AKAP13: variants seen among roughly 807,000 people sequenced by gnomAD.
AKAP13 encodes A-kinase anchor protein 13.
Under a neutral mutation model 264.5 loss-of-function variants are expected in AKAP13, and 80 were observed. That is an observed-to-expected ratio of 0.30 (90% CI 0.25 to 0.36). The LOEUF is 0.36. Ranked by LOEUF, AKAP13 falls within the 10% of genes least tolerant of loss-of-function variation. The pLI is 1.00. For synonymous variants in AKAP13, 1,380 were observed against 1,250.2 expected (o/e 1.10, Z -2.19); for missense variants, 3,712 against 3,435.2 (o/e 1.08, Z -2.01).
chr15:85,737,253 A>G (rs906271571), intron 33 of AKAP13, among the ~76,000 whole-genome samples: 1 of 152,106 alleles, frequency 6.6e-6, no homozygotes, highest in Non-Finnish European at 1.5e-5. Flanking sequence ...TTTAGACTTA[A>G]TATGTGTTTC....
At chr15:85,551,014 A>G (rs1254812405) in intron 5 of AKAP13, among the ~76,000 whole-genome samples, 1 of 152,178 alleles carries the variant, frequency 6.6e-6, no homozygotes, top group Non-Finnish European at 1.5e-5. Context: ...CAGCTTGTCC[A>G]AGGCCGTATA....
intron 4 of AKAP13, 126 bp downstream of exon 4, chr15:85,534,006 T>C: frequency 9.2e-7 from 1 of 1,084,130 alleles, no homozygotes; most frequent in Non-Finnish European, 1.3e-6. Flanking sequence ...AATCTTAGAA[T>C]TACTGTAGGA....
At chr15:85,668,062 T>C (rs1209189598) in intron 13 of AKAP13, among the ~76,000 whole-genome samples, 1 of 152,206 alleles carries the variant, frequency 6.6e-6, no homozygotes, top group East Asian at 1.9e-4. Context: ...AGTAGGCATT[T>C]GAGCTGCTTG....
intron 5 of AKAP13, among the ~76,000 whole-genome samples, chr15:85,573,599 G>A (rs995790589): frequency 1.4e-5 from 2 of 146,674 alleles, no homozygotes; most frequent in Non-Finnish European, 2.9e-5. Context: ...GATATTCAAA[G>A]GTGTTAATGT....
intron 12 of AKAP13, chr15:85,662,562 C>G (rs956014066): frequency 8.3e-7 from 1 of 1,204,314 alleles, no homozygotes; most frequent in Non-Finnish European, 1.2e-6. Context: ...TATGGGCAGC[C>G]TGCTTTGTCT....
At chr15:85,497,578 A>G (rs1320975083) in intron 2 of AKAP13, among the ~76,000 whole-genome samples, 1 of 152,196 alleles carries the variant, frequency 6.6e-6, no homozygotes, top group African/African-American at 2.4e-5. Context: ...TTCACATTGA[A>G]GGATACCTGG....
chr15:85,575,706 T>A (rs1400257806), intron 6 of AKAP13, among the ~76,000 whole-genome samples: 1 of 151,330 alleles, frequency 6.6e-6, no homozygotes, highest in Non-Finnish European at 1.5e-5. Flanking sequence ...AAAAAAAAAC[T>A]TTCCTGGCCA....
chr15:85,742,508 CCT>C (rs1233841262), intron 35 of AKAP13, among the ~76,000 whole-genome samples: 1 of 152,210 alleles, frequency 6.6e-6, no homozygotes, highest in Non-Finnish European at 1.5e-5. Context: ...GGCCGCCACT[CCT>C]CTCGTGGATG....
intron 8 of AKAP13, among the ~76,000 whole-genome samples, chr15:85,610,386 T>G (rs1407082422): frequency 6.6e-6 from 1 of 152,240 alleles, no homozygotes; most frequent in Non-Finnish European, 1.5e-5. Context: ...TTCATATTCC[T>G]GACCAAGACA....
chr15:85,676,930 C>T (rs944361327), intron 14 of AKAP13: 3 of 985,352 alleles, frequency 3.0e-6, no homozygotes, highest in African/African-American at 3.5e-5. Context: ...AAGGCCCTGG[C>T]ATAATCCGAG....
At chr15:85,470,931 T>A (rs1034800599) in intron 1 of AKAP13, among the ~76,000 whole-genome samples, 9 of 152,224 alleles carry the variant, frequency 5.9e-5, no homozygotes, top group African/African-American at 2.2e-4. Flanking sequence ...GTCATTCTTA[T>A]CCTTATTATC....
rs766534125 is a variant in AKAP13, at chr15:85,533,642, C to T, written c.240C>T (p.Pro80=). Residue 80 remains proline (P), a synonymous_variant, in exon 4 of 37, where the codon CCC becomes CCT. Coordinates refer to ENST00000394518, the MANE Select transcript of AKAP13 (RefSeq NM_007200.5). The stretch of plus-strand genomic sequence containing the variant: ...TCTGTGCTTCCAAAGAGGGCCTTCC[C>T]GTGTTTGTGGTGGCTGAAGAAGACT... ...VQLCASKEGL[P]VFVVAEEDFH... is the part of the protein sequence containing the mutation. 17 of 1,613,956 alleles carry T rather than the reference C, an allele frequency of 1.1e-5. No individual in the cohort carries two copies. In the East Asian group the frequency reaches 1.3e-4, roughly 13 times the overall value.
intron 1 of AKAP13, among the ~76,000 whole-genome samples, chr15:85,467,948 C>A (rs1596274538): frequency 6.6e-6 from 1 of 152,156 alleles, no homozygotes; most frequent in African/African-American, 2.4e-5. Flanking sequence ...TTTTTGATGC[C>A]TGATTTCTGA....
At chr15:85,693,211 T>G (rs1766457844) in intron 16 of AKAP13, 66 bp from the exon 17 acceptor site, 2 of 1,451,088 alleles carry the variant, frequency 1.4e-6, no homozygotes, top group Non-Finnish European at 1.8e-6. Context: ...GCCATCTGGG[T>G]GCCCAGGTAA....
chr15:85,579,362 A>G lies in AKAP13; in HGVS notation c.1294A>G (p.Met432Val). ...AGAAACTGGAACAAAATCTTCTGGA[A>G]TGCCCACAGACCAGGAGTCCCTGAG... ...NEETGTKSSG[M>V]PTDQESLSSG... Residue 432 changes from methionine to valine, a missense_variant, in exon 7 of 37, where the codon ATG becomes GTG. Met to Val is a conservative substitution (Grantham distance 21, BLOSUM62 1). Coordinates refer to ENST00000394518, the MANE Select transcript of AKAP13 (RefSeq NM_007200.5). 1 of 1,614,222 alleles carries G rather than the reference A, an allele frequency of 6.2e-7. No homozygotes were observed. The highest frequency in any genetic ancestry group is 8.5e-7 in the Non-Finnish European group (1 of 1,180,030).
chr15:85,562,863 T>G (rs1596538183), intron 5 of AKAP13, among the ~76,000 whole-genome samples: 3 of 32,502 alleles, frequency 9.2e-5, no homozygotes, highest in Admixed American at 4.7e-4. Context: ...GCCCAGCAGG[T>G]TTTTTTTGTT....
intron 33 of AKAP13, among the ~76,000 whole-genome samples, chr15:85,736,957 T>G (rs1440645811): frequency 6.7e-6 from 1 of 148,960 alleles, no homozygotes; most frequent in African/African-American, 2.5e-5. Flanking sequence ...CTTGCTCTGT[T>G]GTCCAGGCTG....
intron 1 of AKAP13, among the ~76,000 whole-genome samples, chr15:85,396,021 T>TACACACAC (rs57665297): frequency 1.4e-4 from 21 of 150,562 alleles, no homozygotes; most frequent in African/African-American, 4.6e-4. Flanking sequence ...TATACATACA[T>TACACACAC]ACACACACAC....
chr15:85,645,938 G>A lies in AKAP13; in HGVS notation c.4358G>A (p.Ser1453Asn), dbSNP rs914821696. 1.2e-6 allele frequency: 2 copies of A among 1,613,438 alleles called. No homozygotes were observed. Among genetic ancestry groups the A allele is most frequent in the Non-Finnish European group, 8.5e-7 (1 of 1,179,896 alleles). The change falls in exon 10 of 37, where the codon AGC becomes AAC. Residue 1453 changes from serine (S) to asparagine (N), a missense_variant. Physicochemically the swap from Ser to Asn is conservative, Grantham distance 46. Around this residue, in one of 3 missense-constraint regions of AKAP13, gnomAD observed 2,759 missense variants for 2,411.7 expected, o/e 1.14. Coordinates refer to ENST00000394518, the MANE Select transcript of AKAP13 (RefSeq NM_007200.5). ...CACTCACCCAGTGATGACATGGACA[G>A]CATCATCTTCCCAAAGGTACTGTGT... ...LFHSPSDDMDSIIFPKPEEEH... is the reference protein window; with the variant it reads ...LFHSPSDDMDNIIFPKPEEEH...
Sources: gnomAD v4.1 joint callset for allele counts (sites outside exome capture counted in the v4.1 genomes callset) on GRCh38, gnomAD v4.1.1 for gene constraint, gnomAD v4.1.1 regional missense constraint, MANE v1.5 for transcripts, NCBI Gene and HGNC (gene_info 2026-07-23, HGNC 2026-07-21) for gene names.